ERMP1: variants seen among roughly 807,000 people sequenced by gnomAD.
The protein encoded by ERMP1 is Felix-ina.
Under a neutral mutation model 92.0 loss-of-function variants are expected in ERMP1, and 86 were observed. The ratio of observed to expected loss-of-function variants is 0.93; its 90% CI spans 0.79 to 1.12. The LOEUF is 1.12. Among genes scored for constraint, ERMP1 ranks in the 50% most tolerant of loss-of-function variants. The pLI is 0.00. For missense variants in ERMP1, 1,342 were observed against 1,116.3 expected (o/e 1.20, Z -2.88); for synonymous variants, 530 against 412.8 (o/e 1.28, Z -3.44).
intron 6 of ERMP1, among the ~76,000 whole-genome samples, chr9:5,857,999 T>C (rs1430252941): frequency 3.9e-5 from 6 of 152,190 alleles, no homozygotes; most frequent in Non-Finnish European, 7.4e-5. Flanking sequence ...GCCCAGGATG[T>C]GGCAGGTCCC....
intron 6 of ERMP1, among the ~76,000 whole-genome samples, chr9:5,842,174 G>C (rs1830173314): frequency 6.6e-6 from 1 of 152,194 alleles, no homozygotes; most frequent in Non-Finnish European, 1.5e-5. Flanking sequence ...GGCTGGGGTG[G>C]CCAGCTTTTA....
chr9:5,831,266 T>C (rs993634014), intron 1 of ERMP1, among the ~76,000 whole-genome samples: 6 of 152,172 alleles, frequency 3.9e-5, no homozygotes, highest in African/African-American at 1.4e-4. Context: ...CACTCCCAAC[T>C]TCTCCCCATA....
chr9:5,823,713 G>A (rs1829628916), intron 4 of ERMP1, among the ~76,000 whole-genome samples, 183 bp downstream of exon 4: 1 of 150,252 alleles, frequency 6.7e-6, no homozygotes, highest in South Asian at 2.1e-4. Context: ...CACTATACAA[G>A]TGTTAGATGC....
At chr9:5,804,886 G>T in intron 10 of ERMP1, 141 bp downstream of exon 10, 1 of 657,368 alleles carries the variant, frequency 1.5e-6, no homozygotes, top group Non-Finnish European at 2.6e-6. Flanking sequence ...TTTACAAGAT[G>T]CATGGCCATT....
intron 6 of ERMP1, among the ~76,000 whole-genome samples, chr9:5,842,722 A>G (rs1830181506): frequency 6.6e-6 from 1 of 152,218 alleles, no homozygotes. Flanking sequence ...TGTTGCTGTT[A>G]TAAATTGTGA....
At chr9:5,828,683 T>G (rs138585642) in intron 2 of ERMP1, among the ~76,000 whole-genome samples, 27 of 152,342 alleles carry the variant, frequency 1.8e-4, no homozygotes, top group Non-Finnish European at 3.1e-4. Context: ...CCCATGTACA[T>G]GAAGTGCATG....
At chr9:5,809,131 C>G (rs1161348423) in intron 8 of ERMP1, among the ~76,000 whole-genome samples, 1 of 152,180 alleles carries the variant, frequency 6.6e-6, no homozygotes, top group African/African-American at 2.4e-5. Flanking sequence ...ACGCCATTCT[C>G]CTGCCTCAGC....
chr9:5,836,677 G>T (rs73639528), upstream of ERMP1, among the ~76,000 whole-genome samples: 893 of 152,240 alleles, frequency 5.9e-3, 11 homozygotes, highest in African/African-American at 0.02. Context: ...AAGCTTGGGC[G>T]TCAGGGTGCT....
chr9:5,827,443 G>A (rs554981196), intron 2 of ERMP1, among the ~76,000 whole-genome samples: 1 of 152,352 alleles, frequency 6.6e-6, no homozygotes, highest in East Asian at 1.9e-4. Context: ...AGCTACCCAG[G>A]ACTGCAGGTT....
chr9:5,829,218 C>A (rs1829844801), intron 2 of ERMP1, among the ~76,000 whole-genome samples: 1 of 131,590 alleles, frequency 7.6e-6, no homozygotes, highest in Non-Finnish European at 1.6e-5. Context: ...GGCCCCCCAG[C>A]CAAAAAAAAA....
intron 2 of ERMP1, among the ~76,000 whole-genome samples, chr9:5,827,579 G>C (rs1394790395): frequency 6.6e-6 from 1 of 152,054 alleles, no homozygotes; most frequent in Non-Finnish European, 1.5e-5. Context: ...GTAGGTTCTA[G>C]GGCCAGGCGC....
chr9:5,807,327 G>C (rs1003578973), intron 8 of ERMP1, among the ~76,000 whole-genome samples: 11 of 152,064 alleles, frequency 7.2e-5, no homozygotes, highest in African/African-American at 9.7e-5. Context: ...CCAGTTATTG[G>C]ACTACCTCCT....
chr9:5,813,878 G>A (rs905458832), intron 4 of ERMP1, among the ~76,000 whole-genome samples: 17 of 147,652 alleles, frequency 1.2e-4, no homozygotes, highest in Admixed American at 8.1e-4. Flanking sequence ...ATAATTATAC[G>A]TATATTTATA....
At chr9:5,822,277 A>C (rs184923296) in intron 4 of ERMP1, among the ~76,000 whole-genome samples, 2 of 152,192 alleles carry the variant, frequency 1.3e-5, no homozygotes, top group African/African-American at 4.8e-5. Flanking sequence ...ATATATAGAT[A>C]TAGATATATC....
upstream of ERMP1, among the ~76,000 whole-genome samples, chr9:5,836,358 A>G (rs896434550): frequency 7.2e-5 from 11 of 152,224 alleles, no homozygotes; most frequent in African/African-American, 1.4e-4. Flanking sequence ...TGCCTTTTAC[A>G]TGATGTTACA....
chr9:5,813,012 G>A lies in ERMP1; in HGVS notation c.898C>T (p.Gln300Ter). The A allele has an allele frequency of 6.2e-7, 1 of 1,613,946 alleles. No homozygotes were observed. The highest frequency in any genetic ancestry group is 8.5e-7 in the Non-Finnish European group (1 of 1,179,914). The change falls in exon 5 of 15, where the codon CAA (glutamine) becomes TAA (stop). Residue 300 changes from glutamine (Q) to a stop codon, truncating the protein, a stop_gained. Transcript: ENST00000339450. LOFTEE classifies it high-confidence loss of function. Reference sequence around the variant, plus strand: ...TGTTTAGCTGCTGAAACATAAGCTTGAACCAACCAAGGATTTTCAGGACCT... The same window carrying A: ...TGTTTAGCTGCTGAAACATAAGCTTAAACCAACCAAGGATTTTCAGGACCT... Reference protein sequence around the residue: ...QTGPENPWLVQAYVSAAKHPF... With the variant: ...QTGPENPWLV
At position 5,801,331 on chromosome 9, in the gene ERMP1, G is replaced by A. The variant is rs765262711; in HGVS notation, c.1915-3C>T. On this transcript the variant is annotated splice_polypyrimidine_tract_variant and splice_region_variant and intron_variant, in intron 10 of 14. Coordinates refer to ENST00000339450, the MANE Select transcript of ERMP1 (RefSeq NM_024896.3). ...TTGGCAAGGTAGATGAAGTTAATCT[G>A]AAACACAAACCACAAACACAGAAAT... 2.5e-6 allele frequency: 4 copies of A among 1,606,882 alleles called. No homozygotes were observed. Among genetic ancestry groups the A allele is most frequent in the Admixed American group, 1.7e-5 (1 of 58,358 alleles).
upstream of ERMP1, among the ~76,000 whole-genome samples, chr9:5,837,406 C>A (rs1181141331): frequency 6.6e-6 from 1 of 151,728 alleles, no homozygotes; most frequent in Non-Finnish European, 1.5e-5. Context: ...TTAACTAGTA[C>A]AAAAATAAGA....
At chr9:5,796,436 C>A (rs985691410) in intron 13 of ERMP1, among the ~76,000 whole-genome samples, 3 of 152,222 alleles carry the variant, frequency 2.0e-5, no homozygotes, top group African/African-American at 7.2e-5. Flanking sequence ...CAATCACACT[C>A]CTAAGCATTT....
Sources: gnomAD v4.1 joint callset for allele counts (sites outside exome capture counted in the v4.1 genomes callset) on GRCh38, gnomAD v4.1.1 for gene constraint, MANE v1.5 for transcripts, NCBI Gene and HGNC (gene_info 2026-07-23, HGNC 2026-07-21) for gene names.